RANBP17: variants seen among roughly 807,000 people sequenced by gnomAD.
RANBP17 encodes the protein RAN binding protein 17.
RANBP17 carries 158 observed loss-of-function variants against 141.2 expected under a neutral mutation model. That is an observed-to-expected ratio of 1.12 (90% CI 0.98 to 1.28). RANBP17 has a LOEUF of 1.28. Ranked by LOEUF, RANBP17 falls within the 50% of genes most tolerant of loss-of-function variation. RANBP17 has a pLI of 0.00. For synonymous variants in RANBP17, 430 were observed against 450.0 expected (o/e 0.96, Z 0.56); for missense variants, 1,438 against 1,290.7 (o/e 1.11, Z -1.75).
chr5:170,989,745 T>C (rs1778379946), intron 14 of RANBP17, among the ~76,000 whole-genome samples: 1 of 151,806 alleles, frequency 6.6e-6, no homozygotes, highest in Admixed American at 6.6e-5. Context: ...TACTGGTCTT[T>C]GCTAACTCAT....
At chr5:171,215,717 C>G (rs1161221877) in intron 21 of RANBP17, among the ~76,000 whole-genome samples, 1 of 152,088 alleles carries the variant, frequency 6.6e-6, no homozygotes, top group African/African-American at 2.4e-5. Context: ...TGAGAAGTGT[C>G]TGTTTATATC....
chr5:171,050,545 A>G (rs1782889337), intron 14 of RANBP17, among the ~76,000 whole-genome samples: 1 of 152,194 alleles, frequency 6.6e-6, no homozygotes, highest in Non-Finnish European at 1.5e-5. Context: ...CGTCTCTACA[A>G]AAAATTCAAA....
At chr5:170,997,303 A>T (rs1455495869) in intron 14 of RANBP17, among the ~76,000 whole-genome samples, 3 of 152,184 alleles carry the variant, frequency 2.0e-5, no homozygotes. Flanking sequence ...GCAGTGTAAG[A>T]ATGGACTAAT....
intron 14 of RANBP17, among the ~76,000 whole-genome samples, chr5:171,071,857 A>G (rs981205502): frequency 3.9e-5 from 6 of 152,056 alleles, no homozygotes; most frequent in Non-Finnish European, 8.8e-5. Flanking sequence ...CAACTCATTA[A>G]AACTTTTTTG....
chr5:171,017,446 C>G (rs1450613495), intron 14 of RANBP17, among the ~76,000 whole-genome samples: 2 of 152,174 alleles, frequency 1.3e-5, no homozygotes, highest in Non-Finnish European at 2.9e-5. Flanking sequence ...AATCACCATT[C>G]TGGCTGGTGT....
chr5:170,988,411 A>G (rs1778298555), intron 14 of RANBP17, among the ~76,000 whole-genome samples: 1 of 151,494 alleles, frequency 6.6e-6, no homozygotes, highest in Non-Finnish European at 1.5e-5. Context: ...AGAATAATAA[A>G]TGAAATACCA....
chr5:171,193,137 C>T (rs1761759391), intron 18 of RANBP17, among the ~76,000 whole-genome samples: 1 of 152,168 alleles, frequency 6.6e-6, no homozygotes, highest in Non-Finnish European at 1.5e-5. Context: ...CCTTGTTTAT[C>T]TCTCCTCTTA....
chr5:171,018,766 T>G (rs1274168552), intron 14 of RANBP17, among the ~76,000 whole-genome samples: 1 of 152,234 alleles, frequency 6.6e-6, no homozygotes, highest in East Asian at 1.9e-4. Flanking sequence ...CTTGCCTGGT[T>G]GCCCTGGCCA....
chr5:171,265,263 G>A (rs779972418), intron 24 of RANBP17, among the ~76,000 whole-genome samples: 7 of 152,184 alleles, frequency 4.6e-5, no homozygotes, highest in Non-Finnish European at 7.4e-5. Flanking sequence ...GGCTGGATAC[G>A]GTGGCTCATG....
At position 171,215,605 on chromosome 5, in the gene RANBP17, A is replaced by C. The variant is rs1161307929; in HGVS notation, c.2339+1867A>C. Reference sequence around the variant, plus strand: ...TTTAATGATCGCCATTCTAATGGGCATGAGATGGTATCTCATTGTGGTTTT... The same window carrying C: ...TTTAATGATCGCCATTCTAATGGGCCTGAGATGGTATCTCATTGTGGTTTT... On this transcript the variant is annotated intron_variant, in intron 21 of 27. Transcript: ENST00000523189. Among the ~76,000 whole-genome samples, 5 of 152,090 alleles carry C rather than the reference A, an allele frequency of 3.3e-5. No homozygotes were observed. In the East Asian group the frequency reaches 7.7e-4, roughly 23 times the overall value.
chr5:170,934,977 C>G (rs1315752526), intron 12 of RANBP17, among the ~76,000 whole-genome samples: 1 of 152,154 alleles, frequency 6.6e-6, no homozygotes, highest in African/African-American at 2.4e-5. Flanking sequence ...CATGTAGTCC[C>G]ATATTTCTTG....
At chr5:171,043,497 A>G (rs941331159) in intron 14 of RANBP17, among the ~76,000 whole-genome samples, 1 of 152,190 alleles carries the variant, frequency 6.6e-6, no homozygotes, top group Non-Finnish European at 1.5e-5. Context: ...TTTGTAATTC[A>G]TAGGCCATAT....
chr5:171,239,540 T>A (rs1237642115), intron 22 of RANBP17, among the ~76,000 whole-genome samples: 1 of 152,080 alleles, frequency 6.6e-6, no homozygotes, highest in African/African-American at 2.4e-5. Flanking sequence ...AGGGCCAAAG[T>A]GGGGAGTTGG....
chr5:171,081,464 G>A (rs927408044), intron 14 of RANBP17, among the ~76,000 whole-genome samples: 1 of 152,102 alleles, frequency 6.6e-6, no homozygotes, highest in African/African-American at 2.4e-5. Flanking sequence ...GCCAAGTGTT[G>A]AAATATTAAC....
intron 18 of RANBP17, among the ~76,000 whole-genome samples, chr5:171,187,159 G>A (rs958944894): frequency 7.2e-5 from 11 of 152,090 alleles, no homozygotes; most frequent in African/African-American, 2.4e-4. Flanking sequence ...AAGATGGAGA[G>A]ATACAAAGGA....
chr5:170,887,287 T>C (rs929289173), intron 3 of RANBP17, among the ~76,000 whole-genome samples: 1 of 152,206 alleles, frequency 6.6e-6, no homozygotes, highest in African/African-American at 2.4e-5. Flanking sequence ...ATTTTTCATT[T>C]TCATGACAAA....
At chr5:170,966,478 T>C (rs939219011) in intron 13 of RANBP17, among the ~76,000 whole-genome samples, 9 of 152,156 alleles carry the variant, frequency 5.9e-5, no homozygotes, top group African/African-American at 2.2e-4. Context: ...AAAAGACCTT[T>C]GACAAAATTC....
At chr5:170,870,388 GC>G (rs1375489624) in intron 1 of RANBP17, among the ~76,000 whole-genome samples, 2 of 151,012 alleles carry the variant, frequency 1.3e-5, no homozygotes, top group African/African-American at 2.4e-5. Flanking sequence ...CCCACAACAG[GC>G]CCCCTGTATG....
chr5:170,916,071 TATA>T (rs1394672655), intron 8 of RANBP17, among the ~76,000 whole-genome samples: 2 of 151,700 alleles, frequency 1.3e-5, no homozygotes, highest in African/African-American at 4.8e-5. Flanking sequence ...TATATTGCAT[TATA>T]ATGCATTATA....
Sources: allele counts gnomAD v4.1 joint callset (sites outside exome capture counted in the v4.1 genomes callset), GRCh38; gene constraint gnomAD v4.1.1; transcripts MANE v1.5; gene names NCBI Gene and HGNC (gene_info 2026-07-23, HGNC 2026-07-21).